The following ROS1 variants were observed in gnomAD, a reference collection of about 807,000 sequenced individuals.
ROS1 encodes the protein ROS proto-oncogene 1, receptor tyrosine kinase.
In ROS1, 263 loss-of-function variants were observed where a neutral mutation model predicts 273.5. The ratio of observed to expected loss-of-function variants is 0.96; its 90% CI spans 0.87 to 1.06. The LOEUF is 1.06. Among genes scored for constraint, ROS1 ranks in the 50% least tolerant of loss-of-function variants. ROS1 has a pLI of 0.00. For synonymous variants in ROS1, 1,008 were observed against 954.1 expected, an observed-to-expected ratio of 1.06 and a Z score of -1.04; for missense variants, 2,833 against 2,751.1, an observed-to-expected ratio of 1.03 and a Z score of -0.67.
chr6:117,360,148 C>T (rs1477279035), intron 23 of ROS1, 137 bp from the exon 24 acceptor site: 6 of 780,820 alleles, frequency 7.7e-6, no homozygotes, highest in Admixed American at 2.7e-5. Flanking sequence ...TCAGTGATAA[C>T]CTTGTAGGCT....
At chr6:117,364,777 T>A (rs972071522) in intron 21 of ROS1, among the ~76,000 whole-genome samples, 1 of 152,198 alleles carries the variant, frequency 6.6e-6, no homozygotes, top group East Asian at 1.9e-4. Flanking sequence ...ATTTTCCTTA[T>A]AAAGGATTTT....
intron 27 of ROS1, among the ~76,000 whole-genome samples, chr6:117,352,233 A>C (rs571226946): frequency 2.5e-4 from 38 of 152,292 alleles, no homozygotes; most frequent in African/African-American, 8.9e-4. Flanking sequence ...GGCACCTGCC[A>C]CTACGCTGGG....
intron 16 of ROS1, among the ~76,000 whole-genome samples, chr6:117,384,578 T>A (rs1772412065): frequency 1.3e-5 from 2 of 152,218 alleles, no homozygotes. Flanking sequence ...TAAAAATTAT[T>A]TCAATACCTT....
rs1775422675 is a variant in ROS1, at chr6:117,310,115, T to C, written c.6382A>G (p.Met2128Val). ...GATTGAGTAGTGAAGATTCCATCCA[T>C]CAAACTTTCTGGAGCCATCCACCGA... is the stretch of plus-strand genomic sequence containing the variant. Reference protein sequence around the residue: ...PVRWMAPESLMDGIFTTQSDV... With the variant: ...PVRWMAPESLVDGIFTTQSDV... Residue 2128 changes from methionine to valine, a missense_variant, in exon 41 of 44, where the codon ATG becomes GTG. Physicochemically the swap from Met to Val is conservative, Grantham distance 21 (BLOSUM62 1). Transcript: ENST00000368507. 6.2e-7 allele frequency: 1 copy of C among 1,613,428 alleles called. No homozygotes were observed. The highest frequency in any genetic ancestry group is 8.5e-7 in the Non-Finnish European group (1 of 1,179,552).
At chr6:117,406,658 AT>A (rs1774428957) in intron 5 of ROS1, among the ~76,000 whole-genome samples, 1 of 152,272 alleles carries the variant, frequency 6.6e-6, no homozygotes, top group East Asian at 1.9e-4. Flanking sequence ...TTTCTCAGAA[AT>A]TTTTTTATGG....
In ROS1 at chr6:117,342,443, A is replaced by G; in HGVS notation, c.4608T>C (p.His1536=). The G allele has an allele frequency of 1.9e-6, 3 of 1,611,930 alleles. No individual in the cohort carries two copies. The highest frequency in any genetic ancestry group is 2.2e-5 in the South Asian group (2 of 90,834). Residue 1536 remains histidine, a synonymous_variant, in exon 29 of 44, where the codon CAT becomes CAC. Coordinates refer to ENST00000368507, the MANE Select transcript of ROS1 (RefSeq NM_001378902.1). Reference sequence around the variant, plus strand: ...CCCAAATCTCTTTTCCTGGTGGTAAATGTTCCAAAGGATCTGAATAATAAT... The same window carrying G: ...CCCAAATCTCTTTTCCTGGTGGTAAGTGTTCCAAAGGATCTGAATAATAAT... ...VKNYYSDPLE[H]LPPGKEIWGK...
chr6:117,394,345 T>A lies in ROS1; in HGVS notation c.1008A>T (p.Gly336=), dbSNP rs780259830. The change falls in exon 11 of 44, where the codon GGA becomes GGT. Residue 336 remains glycine, a splice_region_variant and synonymous_variant. Coordinates refer to ENST00000368507, the MANE Select transcript of ROS1 (RefSeq NM_001378902.1). ...TTTGCTGGTGGACATCAACAGATAT[T>A]CCTAGAAGAGCCATGCAAGTGCACA... ...RLDAIYHNIT[G]ISVDVHQQIV... The A allele has an allele frequency of 8.8e-6, 14 of 1,594,324 alleles. No homozygotes were observed. The highest frequency in any genetic ancestry group is 1.2e-5 in the Non-Finnish European group (14 of 1,175,698).
At position 117,337,247 on chromosome 6, in the gene ROS1, A is replaced by G; in HGVS notation, c.5155T>C (p.Tyr1719His). ...NITNLQPYTS[Y>H]NVRVVVVYKT... ...TAAACCACCACTACTCTGACATTATATGAAGTATAAGGTTGTAGATTTGTG... is the reference window on the plus strand; with the variant it reads ...TAAACCACCACTACTCTGACATTATGTGAAGTATAAGGTTGTAGATTTGTG... Residue 1719 changes from tyrosine to histidine, a missense_variant, in exon 32 of 44, where the codon TAT becomes CAT. By Grantham distance (83) the Tyr-to-His change is moderately conservative. Coordinates refer to ENST00000368507, the MANE Select transcript of ROS1 (RefSeq NM_001378902.1). The G allele has an allele frequency of 6.2e-7, 1 of 1,612,574 alleles. No individual in the cohort carries two copies. The highest frequency in any genetic ancestry group is 8.5e-7 in the Non-Finnish European group (1 of 1,179,056).
intron 35 of ROS1, among the ~76,000 whole-genome samples, chr6:117,322,352 A>G (rs541070701): frequency 6.6e-6 from 1 of 152,200 alleles, no homozygotes; most frequent in African/African-American, 2.4e-5. Context: ...AACCTCTACT[A>G]ATCTTTCATA....
intron 42 of ROS1, among the ~76,000 whole-genome samples, chr6:117,301,999 A>G (rs1409039586): frequency 6.6e-6 from 1 of 152,220 alleles, no homozygotes; most frequent in African/African-American, 2.4e-5. Flanking sequence ...TACCAGCAGT[A>G]TATCAGGAGC....
chr6:117,375,269 A>C (rs1781223222), intron 18 of ROS1, among the ~76,000 whole-genome samples: 1 of 152,322 alleles, frequency 6.6e-6, no homozygotes, highest in African/African-American at 2.4e-5. Flanking sequence ...GAATGATACA[A>C]TGGACTTTGG....
At chr6:117,299,224 A>C (rs1207237398) in intron 43 of ROS1, 2 of 152,258 alleles carry the variant, frequency 1.3e-5, no homozygotes, top group Non-Finnish European at 2.9e-5. Flanking sequence ...AAGAAGTTAC[A>C]TGATCAGAGT....
At chr6:117,369,047 G>A (rs1780510700) in intron 18 of ROS1, among the ~76,000 whole-genome samples, 1 of 151,820 alleles carries the variant, frequency 6.6e-6, no homozygotes, top group Non-Finnish European at 1.5e-5. Flanking sequence ...ATTTGTATTG[G>A]ACAAAGCTGA....
Position 117,358,131 on chromosome 6 carries a change from CA to C in ROS1, c.3634-123del. Reference sequence around the variant, plus strand: ...TCTCATTTGTAATCCCAAACCTCAGCAATCTGGACGGTATACCATTGTAACA... The same window carrying C: ...TCTCATTTGTAATCCCAAACCTCAGCATCTGGACGGTATACCATTGTAACA... On this transcript the variant is annotated intron_variant, in intron 24 of 43. Coordinates refer to ENST00000368507, the MANE Select transcript of ROS1 (RefSeq NM_001378902.1). 9.3e-6 allele frequency: 6 copies of C among 645,324 alleles called. No individual in the cohort carries two copies. In the Admixed American group the frequency reaches 1.4e-4, roughly 15 times the overall value. The allele number at this position is 645,324 out of a possible 1,614,324, so 40.0% of individuals were successfully genotyped here. A position where few individuals can be genotyped will look rare whatever the true frequency, so the allele number is the denominator to read the frequency against.
chr6:117,360,617 GA>G (rs545378709), intron 22 of ROS1, among the ~76,000 whole-genome samples: 97 of 152,136 alleles, frequency 6.4e-4, no homozygotes, highest in African/African-American at 2.3e-3. Flanking sequence ...TTTTAATCTA[GA>G]AAAGTGCAAG....
intron 41 of ROS1, among the ~76,000 whole-genome samples, chr6:117,309,266 GCA>G (rs1775356109): frequency 6.6e-6 from 1 of 152,014 alleles, no homozygotes; most frequent in South Asian, 2.1e-4. Flanking sequence ...GCACATGCAT[GCA>G]CACACAGAAA....
At chr6:117,354,129 T>C (rs959985678) in intron 26 of ROS1, among the ~76,000 whole-genome samples, 1 of 152,154 alleles carries the variant, frequency 6.6e-6, no homozygotes, top group South Asian at 2.1e-4. Context: ...GGCAGGCAGA[T>C]TGCTTGAGCC....
At chr6:117,335,550 T>C (rs2128611103) in intron 32 of ROS1, among the ~76,000 whole-genome samples, 1 of 152,338 alleles carries the variant, frequency 6.6e-6, no homozygotes, top group South Asian at 2.1e-4. Context: ...GTATGTTTAC[T>C]GCAGCACTGT....
chr6:117,333,977 A>G lies in ROS1; in HGVS notation c.5230+3195T>C, dbSNP rs529905597. On this transcript the variant is annotated intron_variant, in intron 32 of 43. Transcript: ENST00000368507. ...TCTCACCACTCCTATTCAACATAGT[A>G]TTGGAAGTTCTGGTCAGGGCAATCA... Among the ~76,000 whole-genome samples the G allele has an allele frequency of 2.0e-5, 3 of 152,224 alleles. No homozygotes were observed. In the East Asian group the frequency reaches 5.8e-4, roughly 29 times the overall value.
Sources: gnomAD v4.1 joint callset for allele counts (sites outside exome capture counted in the v4.1 genomes callset) on GRCh38, gnomAD v4.1.1 for gene constraint, MANE v1.5 for transcripts, NCBI Gene and HGNC (gene_info 2026-07-23, HGNC 2026-07-21) for gene names.